ASPH: variants seen among roughly 807,000 people sequenced by gnomAD.
The protein encoded by ASPH is aspartate beta-hydroxylase.
A neutral mutation model predicts 118.4 loss-of-function variants in ASPH; 100 were observed. That is an observed-to-expected ratio of 0.84 (90% CI 0.72 to 1.00). The LOEUF (loss-of-function observed/expected upper bound fraction) is 1.00. Ranked by LOEUF, ASPH falls within the 50% of genes least tolerant of loss-of-function variation. The pLI is 0.00. For synonymous variants in ASPH, 315 were observed against 325.6 expected (o/e 0.97, Z 0.35); for missense variants, 920 against 919.5 (o/e 1.00, Z -0.01).
chr8:61,695,203 A>C (rs954595059), intron 1 of ASPH, among the ~76,000 whole-genome samples: 2 of 152,252 alleles, frequency 1.3e-5, no homozygotes, highest in Non-Finnish European at 2.9e-5. Context: ...AGGTGATTTC[A>C]ATAACTTAGC....
At chr8:61,679,298 G>A (rs1040341939) in intron 3 of ASPH, among the ~76,000 whole-genome samples, 3 of 152,042 alleles carry the variant, frequency 2.0e-5, no homozygotes, top group African/African-American at 4.8e-5. Context: ...CCACCTCCAA[G>A]TGTATAATTC....
In ASPH at chr8:61,676,444, T is replaced by A. The variant is rs559028012; in HGVS notation, c.322+4524A>T. 14 of 874,116 alleles carry A rather than the reference T, an allele frequency of 1.6e-5. No individual in the cohort carries two copies. In the African/African-American group the frequency reaches 2.2e-4, roughly 14 times the overall value. 54.1% of individuals were successfully genotyped at this position (874,116 alleles called of 1,614,324 possible). A position where few individuals can be genotyped will look rare whatever the true frequency, so the allele number is the denominator to read the frequency against. On this transcript the variant is annotated intron_variant, in intron 3 of 24. Coordinates refer to ENST00000379454, the MANE Select transcript of ASPH (RefSeq NM_004318.4). ...GTCAGAGAGGTTTACAGAAACGGTA[T>A]TTGGAAAATAAAGAAGTCCATTAAA...
intron 14 of ASPH, among the ~76,000 whole-genome samples, chr8:61,584,729 G>A (rs1484971722): frequency 1.4e-5 from 2 of 140,946 alleles, no homozygotes; most frequent in African/African-American, 5.4e-5. Context: ...GGCTGGTCTT[G>A]AACTCCTGGC....
At chr8:61,594,674 T>C (rs1269621049) in intron 14 of ASPH, among the ~76,000 whole-genome samples, 1 of 152,240 alleles carries the variant, frequency 6.6e-6, no homozygotes, top group African/African-American at 2.4e-5. Context: ...TATATTGTTA[T>C]AATGTTTCTA....
At chr8:61,694,905 C>G (rs1262906710) in intron 1 of ASPH, among the ~76,000 whole-genome samples, 2 of 152,184 alleles carry the variant, frequency 1.3e-5, no homozygotes, top group Non-Finnish European at 2.9e-5. Flanking sequence ...AGAAGCACTT[C>G]TGTGAAGCCA....
At chr8:61,634,610 T>C (rs1440164976) in intron 12 of ASPH, among the ~76,000 whole-genome samples, 1 of 152,210 alleles carries the variant, frequency 6.6e-6, no homozygotes, top group Non-Finnish European at 1.5e-5. Flanking sequence ...TAACCACTGT[T>C]AGTATCTGGC....
intron 16 of ASPH, among the ~76,000 whole-genome samples, chr8:61,572,742 C>T (rs547989787): frequency 4.1e-4 from 63 of 152,228 alleles, no homozygotes; most frequent in African/African-American, 1.3e-3. Flanking sequence ...ACTTTTGCCT[C>T]CATAATCCAT....
At chr8:61,511,781 T>G (rs950638681) in intron 24 of ASPH, among the ~76,000 whole-genome samples, 2 of 152,164 alleles carry the variant, frequency 1.3e-5, no homozygotes, top group Non-Finnish European at 2.9e-5. Flanking sequence ...TTTTTGTATT[T>G]TTAGTAGAGA....
intron 24 of ASPH, among the ~76,000 whole-genome samples, chr8:61,515,292 C>T (rs1810471108): frequency 6.6e-6 from 1 of 152,190 alleles, no homozygotes; most frequent in Non-Finnish European, 1.5e-5. Flanking sequence ...TGTGTCCCTG[C>T]TCCTTTTCAC....
At chr8:61,579,275 G>A (rs1836554908) in intron 15 of ASPH, 5 of 1,614,058 alleles carry the variant, frequency 3.1e-6, no homozygotes, top group African/African-American at 1.3e-5. Flanking sequence ...CCAACGCCAA[G>A]TTGTCCGAGC....
At chr8:61,668,274 T>C in intron 3 of ASPH, 2 of 1,606,034 alleles carry the variant, frequency 1.2e-6, no homozygotes, top group Non-Finnish European at 1.7e-6. Context: ...CACTGGGTCC[T>C]TCTGTTGACA....
At chr8:61,593,364 G>C (rs540429894) in intron 14 of ASPH, among the ~76,000 whole-genome samples, 2 of 151,608 alleles carry the variant, frequency 1.3e-5, no homozygotes, top group East Asian at 3.9e-4. Flanking sequence ...TCTTACCAAG[G>C]ATGGCACACT....
At position 61,644,635 on chromosome 8, in the gene ASPH, GGA is replaced by G; in HGVS notation, c.620-5_620-4del. Reference sequence around the variant, plus strand: ...CACGTGGTAACTATGCTCGGTTTCTGGAAAAAAAAAAATTAGATTGATATTTA... The same window carrying G: ...CACGTGGTAACTATGCTCGGTTTCTGAAAAAAAAAATTAGATTGATATTTA... On this transcript the variant is annotated splice_region_variant and splice_polypyrimidine_tract_variant and intron_variant, in intron 6 of 24. Transcript: ENST00000379454. The G allele has an allele frequency of 6.3e-7, 1 of 1,577,070 alleles. No homozygotes were observed. Among genetic ancestry groups the G allele is most frequent in the Non-Finnish European group, 8.6e-7 (1 of 1,162,306 alleles).
At chr8:61,707,949 TAC>T (rs1837095385) in intron 1 of ASPH, among the ~76,000 whole-genome samples, 1 of 152,224 alleles carries the variant, frequency 6.6e-6, no homozygotes, top group African/African-American at 2.4e-5. Context: ...TAATAATAGA[TAC>T]AGTTTACATG....
At chr8:61,596,161 T>G (rs932740849) in intron 14 of ASPH, among the ~76,000 whole-genome samples, 3 of 152,040 alleles carry the variant, frequency 2.0e-5, no homozygotes, top group Admixed American at 2.0e-4. Context: ...CACCAATGCT[T>G]ACACACATGT....
chr8:61,688,839 ATTC>A (rs916730829), intron 1 of ASPH, among the ~76,000 whole-genome samples: 4 of 152,226 alleles, frequency 2.6e-5, no homozygotes, highest in Admixed American at 2.6e-4. Flanking sequence ...CATATCTCAT[ATTC>A]TTCTTCATGG....
At chr8:61,707,558 G>A (rs969944142) in intron 1 of ASPH, among the ~76,000 whole-genome samples, 4 of 152,136 alleles carry the variant, frequency 2.6e-5, no homozygotes, top group African/African-American at 9.7e-5. Flanking sequence ...TCTAATGTGT[G>A]TACTTTCTAT....
At chr8:61,508,020 C>G (rs1021236669) in intron 24 of ASPH, among the ~76,000 whole-genome samples, 5 of 151,970 alleles carry the variant, frequency 3.3e-5, no homozygotes, top group African/African-American at 1.2e-4. Flanking sequence ...CCCACCTAAC[C>G]CTTTATTTTT....
chr8:61,500,717 T>C lies in ASPH; in HGVS notation c.*2642A>G, dbSNP rs1804707772. The C allele has an allele frequency of 6.6e-6, 1 of 152,250 alleles. No homozygotes were observed. Among genetic ancestry groups the C allele is most frequent in the Non-Finnish European group, 1.5e-5 (1 of 68,044 alleles). The allele number at this position is 152,250 out of a possible 1,614,324, so 9.4% of individuals were successfully genotyped here. ...AGTGCATATTTTTAGACATCTCTTA[T>C]TCGCCCAGCCATCTGCATGACATGG... On this transcript the variant is annotated 3_prime_UTR_variant, in exon 25 of 25. Coordinates refer to ENST00000379454, the MANE Select transcript of ASPH (RefSeq NM_004318.4).
Sources: allele counts gnomAD v4.1 joint callset (sites outside exome capture counted in the v4.1 genomes callset), GRCh38; gene constraint gnomAD v4.1.1; transcripts MANE v1.5; gene names NCBI Gene and HGNC (gene_info 2026-07-23, HGNC 2026-07-21).